The following VRK3 variants were observed in gnomAD, a reference collection of about 807,000 sequenced individuals.
VRK3 encodes serine/threonine-protein kinase VRK3.
In VRK3, 50 loss-of-function variants were observed where a neutral mutation model predicts 60.4. The observed-to-expected ratio is 0.83, with a 90% CI of 0.66 to 1.05. The LOEUF (loss-of-function observed/expected upper bound fraction) is 1.05. Among genes scored for constraint, VRK3 ranks in the 50% least tolerant of loss-of-function variants. The pLI is 0.00. For missense variants in VRK3, 549 were observed against 585.3 expected (o/e 0.94, Z 0.64); for synonymous variants, 246 against 227.8 (o/e 1.08, Z -0.72).
chr19:50,010,667 C>G (rs1306893531), intron 3 of VRK3, among the ~76,000 whole-genome samples: 1 of 152,216 alleles, frequency 6.6e-6, no homozygotes, highest in Non-Finnish European at 1.5e-5. Context: ...AATCCCAGCA[C>G]TTTGGGAGGC....
At chr19:49,993,006 G>A in intron 9 of VRK3, 54 bp from the exon 10 acceptor site, 1 of 1,506,610 alleles carries the variant, frequency 6.6e-7, no homozygotes, top group Non-Finnish European at 8.9e-7. Context: ...AACACAGAGA[G>A]GCTATGGTGC....
chr19:49,989,836 C>T (rs899345061), intron 10 of VRK3, 65 bp from the exon 11 acceptor site: 74 of 1,505,072 alleles, frequency 4.9e-5, no homozygotes, highest in Non-Finnish European at 5.6e-5. Flanking sequence ...AGATTTCCAT[C>T]GTGGGTGCAA....
At chr19:49,981,953 G>T in intron 12 of VRK3, 1 of 626,790 alleles carries the variant, frequency 1.6e-6, no homozygotes, top group Non-Finnish European at 2.7e-6. Flanking sequence ...GGGTCACTGT[G>T]GCATCCGCAC....
intron 5 of VRK3, among the ~76,000 whole-genome samples, chr19:50,006,717 A>T (rs1206768673): frequency 6.6e-6 from 1 of 152,244 alleles, no homozygotes; most frequent in East Asian, 1.9e-4. Flanking sequence ...TCAATTAAAA[A>T]GTTCCAAAAA....
chr19:49,999,710 C>A (rs1029321009), intron 6 of VRK3: 1 of 152,196 alleles, frequency 6.6e-6, no homozygotes, highest in South Asian at 2.1e-4. Context: ...CTCTCCAGGG[C>A]TGGGCCTGGG....
chr19:49,990,844 G>T (rs1051118508), intron 10 of VRK3, among the ~76,000 whole-genome samples: 4 of 151,956 alleles, frequency 2.6e-5, no homozygotes, highest in African/African-American at 9.7e-5. Flanking sequence ...GAGTGCAGTG[G>T]TATGATCATG....
At chr19:50,020,012 G>A (rs1205555975) in intron 2 of VRK3, among the ~76,000 whole-genome samples, 1 of 151,924 alleles carries the variant, frequency 6.6e-6, no homozygotes, top group South Asian at 2.1e-4. Flanking sequence ...ATGTAGCTGG[G>A]ACTACAGGTA....
At chr19:49,999,345 C>G (rs1167149158) in intron 6 of VRK3, 1 of 152,240 alleles carries the variant, frequency 6.6e-6, no homozygotes, top group Non-Finnish European at 1.5e-5. Flanking sequence ...GACGTGGGCA[C>G]AGCCATGCAG....
chr19:49,997,470 C>A (rs370838130), intron 7 of VRK3, 34 bp downstream of exon 7: 2 of 1,610,808 alleles, frequency 1.2e-6, no homozygotes, highest in African/African-American at 2.7e-5. Flanking sequence ...GCCCCCCTCA[C>A]TCTCCCCTCC....
At chr19:50,003,898 G>A (rs2076851062) in intron 5 of VRK3, among the ~76,000 whole-genome samples, 1 of 152,222 alleles carries the variant, frequency 6.6e-6, no homozygotes, top group Non-Finnish European at 1.5e-5. Flanking sequence ...AATGGTAGGT[G>A]CTGCTTAAGG....
intron 2 of VRK3, among the ~76,000 whole-genome samples, 189 bp from the exon 3 acceptor site, chr19:50,016,352 A>G (rs8103983): frequency 0.053 from 8,014 of 152,270 alleles, 693 homozygotes; most frequent in African/African-American, 0.18. Context: ...CCCAAATATC[A>G]ATATGCTCCC....
chr19:49,995,659 T>C (rs1600679529), intron 7 of VRK3, among the ~76,000 whole-genome samples: 1 of 152,226 alleles, frequency 6.6e-6, no homozygotes, highest in East Asian at 1.9e-4. Flanking sequence ...CAGATCTCAG[T>C]GGGGTGGACC....
At chr19:50,017,576 A>G (rs938681201) in intron 2 of VRK3, among the ~76,000 whole-genome samples, 2 of 90,240 alleles carry the variant, frequency 2.2e-5, no homozygotes, top group African/African-American at 1.6e-4. Flanking sequence ...CTCTGCCTCA[A>G]AAAAAAAAAA....
At chr19:50,024,790 CTTAAT>C (rs1440736978) in intron 1 of VRK3, 3 of 152,198 alleles carry the variant, frequency 2.0e-5, no homozygotes, top group East Asian at 3.8e-4. Flanking sequence ...CAGTCTTTAT[CTTAAT>C]TTATTTGACT....
At chr19:49,981,682 T>G in intron 12 of VRK3, 1 of 995,908 alleles carries the variant, frequency 1.0e-6, no homozygotes, top group Non-Finnish European at 1.2e-6. Context: ...AGGATCCCTT[T>G]GATGATGAGG....
intron 10 of VRK3, among the ~76,000 whole-genome samples, chr19:49,991,680 T>C (rs1379156818): frequency 6.6e-6 from 1 of 152,214 alleles, no homozygotes; most frequent in Non-Finnish European, 1.5e-5. Flanking sequence ...GCTTTGGGGA[T>C]TTAAGCCTAA....
intron 5 of VRK3, 118 bp downstream of exon 5, chr19:50,007,451 T>C (rs969699594): frequency 1.3e-6 from 2 of 1,483,954 alleles, no homozygotes; most frequent in Non-Finnish European, 1.8e-6. Context: ...GAAAGTTGCC[T>C]AGCGACAGGT....
intron 12 of VRK3, 26 bp downstream of exon 12, chr19:49,988,346 G>A: frequency 6.3e-7 from 1 of 1,593,948 alleles, no homozygotes. Context: ...ACCACCTGCA[G>A]GGGTTCTGCT....
chr19:49,990,226 C>T (rs2076586791), intron 10 of VRK3, among the ~76,000 whole-genome samples: 1 of 152,140 alleles, frequency 6.6e-6, no homozygotes, highest in African/African-American at 2.4e-5. Context: ...CAACCTTGGG[C>T]AAGCTATACC....
Sources: gnomAD v4.1 joint callset for allele counts (sites outside exome capture counted in the v4.1 genomes callset) on GRCh38, gnomAD v4.1.1 for gene constraint, MANE v1.5 for transcripts, NCBI Gene and HGNC (gene_info 2026-07-23, HGNC 2026-07-21) for gene names.